Variants in CACNA1B observed in about 807,000 individuals in gnomAD.
The protein encoded by CACNA1B is voltage-dependent N-type calcium channel subunit alpha-1B.
A neutral mutation model predicts 247.2 loss-of-function variants in CACNA1B; 70 were observed. That is an observed-to-expected ratio of 0.28 (90% CI 0.23 to 0.35). The LOEUF (loss-of-function observed/expected upper bound fraction) is 0.35, where lower values mean the gene tolerates loss of function less well. Ranked by LOEUF, CACNA1B falls within the 10% of genes least tolerant of loss-of-function variation. The pLI is 1.00. For missense variants in CACNA1B, 2,367 were observed against 3,197.4 expected (o/e 0.74, Z 6.26); for synonymous variants, 1,231 against 1,294.4 (o/e 0.95, Z 1.05).
intron 6 of CACNA1B, among the ~76,000 whole-genome samples, chr9:137,937,214 C>T (rs910964106): frequency 6.6e-6 from 1 of 151,772 alleles, no homozygotes; most frequent in African/African-American, 2.4e-5. Flanking sequence ...GGTAAATTTT[C>T]AATGAAATAG....
At chr9:137,921,882 G>A (rs1252768390) in intron 6 of CACNA1B, among the ~76,000 whole-genome samples, 4 of 111,040 alleles carry the variant, frequency 3.6e-5, no homozygotes, top group Admixed American at 1.0e-4. Context: ...CAGCACTGCA[G>A]CCGCGCAGCA....
rs150146368 is a variant in CACNA1B at position 138,020,518 on chromosome 9, C to T, written c.2268-2493C>T. ...ACACCATGCAGAGAGGCCCGGCACG[C>T]AGATTCAGAGACCTAGGGGATACCT... On this transcript the variant is annotated intron_variant, in intron 18 of 46. Coordinates refer to ENST00000371372, the MANE Select transcript of CACNA1B (RefSeq NM_000718.4). This position sits in a 1 kb window ranked among gnomAD's most constrained non-coding sequence, Gnocchi z 4.1. Among the ~76,000 whole-genome samples the T allele has an allele frequency of 7.9e-5, 12 of 152,260 alleles. No homozygotes were observed. The highest frequency in any genetic ancestry group is 2.2e-4 in the African/African-American group (9 of 41,530).
intron 6 of CACNA1B, among the ~76,000 whole-genome samples, chr9:137,941,999 A>G (rs1957737536): frequency 6.6e-6 from 1 of 152,268 alleles, no homozygotes. Context: ...ATTAAATCAA[A>G]GAACTTTTGC....
chr9:138,010,043 TG>T lies in CACNA1B; in HGVS notation c.2128del (p.Asp710ThrfsTer9). Reference protein sequence around the residue: ...TLLNVFLAIAVDNLANAQELT... With the variant: ...TLLNVFLAIAXDNLANAQELT... ...CTGAATGTCTTTCTGGCCATCGCTG[TG>T]GACAACCTGGCCAACGCCCAAGAGC... On this transcript the variant is annotated frameshift_variant, in exon 17 of 47. Coordinates refer to ENST00000371372, the MANE Select transcript of CACNA1B (RefSeq NM_000718.4). LOFTEE classifies it high-confidence loss of function. The surrounding 1 kb of genome is among the most constrained non-coding windows in gnomAD (Gnocchi z 5.3). 6.2e-7 allele frequency: 1 copy of T among 1,613,796 alleles called. No homozygotes were observed. The highest frequency in any genetic ancestry group is 8.5e-7 in the Non-Finnish European group (1 of 1,179,728).
Position 137,986,441 on chromosome 9 carries a change from G to A in CACNA1B, c.1798G>A (p.Val600Met), listed in dbSNP as rs766002659. Residue 600 changes from valine (V) to methionine (M), a missense_variant, in exon 14 of 47, where the codon GTG becomes ATG. By Grantham distance (21) the Val-to-Met change is conservative. Transcript: ENST00000371372. The surrounding 1 kb of genome is among the most constrained non-coding windows in gnomAD (Gnocchi z 6.0). ...CTGGAGCTCCCTGCGGAACCTGGTG[G>A]TGTCCCTGCTGAACTCCATGAAGTC... ...KYWSSLRNLV[V>M]SLLNSMKSII... The A allele has an allele frequency of 8.7e-6, 14 of 1,613,812 alleles. No homozygotes were observed. Among genetic ancestry groups the A allele is most frequent in the Non-Finnish European group, 1.1e-5 (13 of 1,179,850 alleles).
intron 20 of CACNA1B, among the ~76,000 whole-genome samples, chr9:138,030,224 T>A (rs1242964554): frequency 6.6e-6 from 1 of 152,136 alleles, no homozygotes. Flanking sequence ...TTGTTTTTTG[T>A]TTTGTTTTGT....
At chr9:138,068,572 G>A (rs1218843568) in intron 31 of CACNA1B, 4 of 518,416 alleles carry the variant, frequency 7.7e-6, no homozygotes, top group African/African-American at 5.8e-5. Context: ...AGGCACAGGT[G>A]GGCTGCATTG....
intron 6 of CACNA1B, among the ~76,000 whole-genome samples, chr9:137,932,515 G>A (rs1957619315): frequency 6.6e-6 from 1 of 152,196 alleles, no homozygotes; most frequent in Non-Finnish European, 1.5e-5. Flanking sequence ...TTTCCCATAT[G>A]GTTGAGGTCT....
At chr9:138,112,252 T>C (rs915836117) in intron 39 of CACNA1B, 146 bp from the exon 40 acceptor site, 34 of 640,492 alleles carry the variant, frequency 5.3e-5, no homozygotes, top group Admixed American at 2.2e-5. Flanking sequence ...TTGTTCCCAC[T>C]GCACCCTCCT....
At chr9:137,909,855 C>T (rs1184635141) in intron 3 of CACNA1B, among the ~76,000 whole-genome samples, 1 of 152,074 alleles carries the variant, frequency 6.6e-6, no homozygotes, top group Non-Finnish European at 1.5e-5. Flanking sequence ...ACTGCAACCT[C>T]CACCTCTCGG....
chr9:137,993,469 A>G (rs1301883192), intron 15 of CACNA1B, among the ~76,000 whole-genome samples: 1 of 152,138 alleles, frequency 6.6e-6, no homozygotes, highest in Non-Finnish European at 1.5e-5. Context: ...AAAATAAGGG[A>G]GAAGATCCAA....
chr9:137,997,297 T>C (rs1958512046), intron 15 of CACNA1B, among the ~76,000 whole-genome samples: 1 of 152,130 alleles, frequency 6.6e-6, no homozygotes, highest in South Asian at 2.1e-4. Flanking sequence ...CAGATTACAG[T>C]AGTATCAGGG....
At chr9:138,111,838 C>G (rs1961644999) in intron 39 of CACNA1B, among the ~76,000 whole-genome samples, 1 of 152,056 alleles carries the variant, frequency 6.6e-6, no homozygotes, top group South Asian at 2.1e-4. Context: ...CAGGCCTCCT[C>G]GGGAGACTGA....
rs540093470 is a variant in CACNA1B at position 137,933,035 on chromosome 9, C to T, written c.966+15604C>T. ...GCAACCTCCACCTCCCAGGTTCGAG[C>T]GATTCTTCTGCCTCAGCCTCCTGAG... On this transcript the variant is annotated intron_variant, in intron 6 of 46. Coordinates refer to ENST00000371372, the MANE Select transcript of CACNA1B (RefSeq NM_000718.4). Among the ~76,000 whole-genome samples the T allele has an allele frequency of 9.9e-5, 15 of 152,224 alleles. No homozygotes were observed. The South Asian group carries it at 1.9e-3, about 19-fold the overall frequency.
intron 15 of CACNA1B, among the ~76,000 whole-genome samples, chr9:137,988,036 G>A (rs1958387447): frequency 6.6e-6 from 1 of 152,176 alleles, no homozygotes; most frequent in African/African-American, 2.4e-5. Context: ...GTCAGCCTCC[G>A]ACTGTCCTCC....
At chr9:138,068,265 C>T (rs1393557087) in intron 31 of CACNA1B, among the ~76,000 whole-genome samples, 3 of 152,068 alleles carry the variant, frequency 2.0e-5, no homozygotes, top group East Asian at 1.9e-4. Context: ...AAGGGAGACC[C>T]GAGACGGCTT....
rs144288863 is a variant in CACNA1B at position 138,112,827 on chromosome 9, G to A, written c.5536+322G>A. On this transcript the variant is annotated intron_variant, in intron 40 of 46. Transcript: ENST00000371372. Reference sequence around the variant, plus strand: ...TGCCCAACTCCATCTTGTGAGAGACGTGAGGGAGCGCGGGGAGGTGCCCAA... The same window carrying A: ...TGCCCAACTCCATCTTGTGAGAGACATGAGGGAGCGCGGGGAGGTGCCCAA... Among the ~76,000 whole-genome samples the A allele has an allele frequency of 3.0e-4, 46 of 152,296 alleles. No homozygotes were observed. In the East Asian group the frequency reaches 8.5e-3, roughly 28 times the overall value.
intron 32 of CACNA1B, among the ~76,000 whole-genome samples, chr9:138,071,160 G>A (rs562047613): frequency 2.2e-4 from 33 of 152,364 alleles, no homozygotes; most frequent in South Asian, 1.2e-3. Flanking sequence ...GGGTGTCCCC[G>A]TGTTTCTTTG....
At chr9:138,000,276 T>G (rs924585945) in intron 15 of CACNA1B, among the ~76,000 whole-genome samples, 2 of 152,072 alleles carry the variant, frequency 1.3e-5, no homozygotes, top group Admixed American at 6.5e-5. Context: ...TTTTTTGTAT[T>G]TTTAGTAGAG....
Sources: allele counts gnomAD v4.1 joint callset (sites outside exome capture counted in the v4.1 genomes callset), GRCh38; gene constraint gnomAD v4.1.1; non-coding constraint Gnocchi (gnomAD v3.1); transcripts MANE v1.5; gene names NCBI Gene and HGNC (gene_info 2026-07-23, HGNC 2026-07-21).